The following PDE10A variants were observed in gnomAD, a reference collection of about 807,000 sequenced individuals.
The protein encoded by PDE10A is cAMP and cAMP-inhibited cGMP 3',5'-cyclic phosphodiesterase 10A.
Under a neutral mutation model 97.7 loss-of-function variants are expected in PDE10A, and 39 were observed. The observed-to-expected ratio is 0.40, with a 90% CI of 0.31 to 0.52. The LOEUF (loss-of-function observed/expected upper bound fraction) is 0.52. Ranked by LOEUF, PDE10A falls within the 20% of genes least tolerant of loss-of-function variation. PDE10A has a pLI of 0.56. For synonymous variants in PDE10A, 371 were observed against 376.8 expected (o/e 0.98, Z 0.18); for missense variants, 731 against 1,047.8 (o/e 0.70, Z 4.17).
intron 2 of PDE10A, among the ~76,000 whole-genome samples, chr6:165,526,083 A>T (rs1562548990): frequency 6.6e-6 from 1 of 152,186 alleles, no homozygotes; most frequent in East Asian, 1.9e-4. Flanking sequence ...CCAACAGTTT[A>T]TGCGGTGAAT....
chr6:165,883,721 G>A (rs1781552364), intron 1 of PDE10A, among the ~76,000 whole-genome samples: 2 of 152,040 alleles, frequency 1.3e-5, no homozygotes, highest in South Asian at 4.1e-4. Flanking sequence ...CCCCACTGAG[G>A]TGCTGTGAGC....
At chr6:165,846,058 C>T (rs1031357643) in intron 1 of PDE10A, among the ~76,000 whole-genome samples, 1 of 152,222 alleles carries the variant, frequency 6.6e-6, no homozygotes, top group Non-Finnish European at 1.5e-5. Flanking sequence ...TTACAGAATG[C>T]ATGACAGCCT....
At chr6:165,606,822 AG>A (rs1787234090) in intron 1 of PDE10A, among the ~76,000 whole-genome samples, 1 of 152,088 alleles carries the variant, frequency 6.6e-6, no homozygotes, top group Non-Finnish European at 1.5e-5. Flanking sequence ...CAGTGCGTGC[AG>A]GGGCTTAGGT....
chr6:165,588,903 A>T (rs1786085433), intron 1 of PDE10A, among the ~76,000 whole-genome samples: 1 of 152,306 alleles, frequency 6.6e-6, no homozygotes, highest in East Asian at 1.9e-4. Context: ...CATAGCCCTA[A>T]CACACAGGAA....
chr6:165,498,170 G>A (rs1780648533), intron 2 of PDE10A, among the ~76,000 whole-genome samples: 1 of 151,844 alleles, frequency 6.6e-6, no homozygotes, highest in Non-Finnish European at 1.5e-5. Context: ...CCAGCACTTT[G>A]GGAGCTAGGG....
At chr6:165,818,615 A>T (rs960846302) in intron 1 of PDE10A, among the ~76,000 whole-genome samples, 3 of 152,244 alleles carry the variant, frequency 2.0e-5, no homozygotes. Flanking sequence ...GGGAAATGGG[A>T]GAATGAACTT....
intron 1 of PDE10A, among the ~76,000 whole-genome samples, chr6:165,933,841 G>A (rs199963536): frequency 6.6e-6 from 1 of 152,190 alleles, no homozygotes; most frequent in Non-Finnish European, 1.5e-5. Context: ...AGTGTAGCCG[G>A]GAGCAGGTCA....
chr6:165,758,527 A>AGAAGAAGAAGAAGAG (rs1554317323), intron 1 of PDE10A, among the ~76,000 whole-genome samples: 25 of 140,534 alleles, frequency 1.8e-4, no homozygotes, highest in South Asian at 5.0e-4. Context: ...AAGAAGAAGA[A>AGAAGAAGAAGAAGAG]GAAGAGGAAG....
intron 1 of PDE10A, among the ~76,000 whole-genome samples, chr6:165,909,345 C>T (rs1376908489): frequency 1.3e-5 from 2 of 152,130 alleles, no homozygotes; most frequent in Non-Finnish European, 2.9e-5. Context: ...GCAATGGGAG[C>T]CACTTAGATA....
In PDE10A at chr6:165,722,197, CTG is replaced by C. The variant is rs1202824978; in HGVS notation, c.-614-178631_-614-178630del. On this transcript the variant is annotated intron_variant, in intron 1 of 19. Coordinates refer to the PDE10A transcript ENST00000366882. ...ATCTATGTGCAAAGCATGTCCAGTG[CTG>C]TGAGATAAACCAAATACGGTGCAGT... 2.0e-5 allele frequency among the ~76,000 whole-genome samples: 3 copies of C among 152,222 alleles called. No homozygotes were observed. In the East Asian group the frequency reaches 5.8e-4, roughly 29 times the overall value.
At chr6:165,849,908 C>G (rs564399692) in intron 1 of PDE10A, among the ~76,000 whole-genome samples, 25 of 152,306 alleles carry the variant, frequency 1.6e-4, no homozygotes, top group African/African-American at 6.0e-4. Context: ...AAGCAGCCCA[C>G]GTACTTTCTG....
At chr6:165,381,631 A>AT (rs547827126) in intron 17 of PDE10A, among the ~76,000 whole-genome samples, 1,710 of 118,622 alleles carry the variant, frequency 0.014, 13 homozygotes, top group Non-Finnish European at 0.019. Context: ...CACCTGGCTA[A>AT]TTTTTTTTTT....
intron 18 of PDE10A, 98 bp from the exon 19 acceptor site, chr6:165,343,600 G>A: frequency 2.4e-6 from 2 of 824,150 alleles, no homozygotes; most frequent in Non-Finnish European, 4.2e-6. Context: ...GTTTAAGTAT[G>A]TATTACTTCA....
intron 2 of PDE10A, among the ~76,000 whole-genome samples, chr6:165,531,860 T>C (rs569255045): frequency 5.3e-5 from 8 of 152,336 alleles, no homozygotes; most frequent in Non-Finnish European, 7.3e-5. Flanking sequence ...GGCTAATATA[T>C]GAAATGGGAA....
At chr6:165,961,672 G>A (rs1256879566) in intron 1 of PDE10A, among the ~76,000 whole-genome samples, 1 of 152,222 alleles carries the variant, frequency 6.6e-6, no homozygotes, top group Non-Finnish European at 1.5e-5. Context: ...CCAAACTTCT[G>A]CCTCTGACTT....
chr6:165,621,035 G>C (rs919109906), intron 1 of PDE10A, among the ~76,000 whole-genome samples: 1 of 142,770 alleles, frequency 7.0e-6, no homozygotes, highest in African/African-American at 2.6e-5. Context: ...AAAAAAAAAA[G>C]GAAGAAAGAA....
chr6:165,874,944 T>G (rs1781294866), intron 1 of PDE10A, among the ~76,000 whole-genome samples: 1 of 152,192 alleles, frequency 6.6e-6, no homozygotes, highest in African/African-American at 2.4e-5. Context: ...GACCCAGTTA[T>G]TCGTTCTAAG....
intron 1 of PDE10A, among the ~76,000 whole-genome samples, chr6:165,650,571 T>C (rs1789632271): frequency 6.6e-6 from 1 of 152,232 alleles, no homozygotes; most frequent in Non-Finnish European, 1.5e-5. Context: ...TTCTGGACAT[T>C]CGTTTACACT....
intron 1 of PDE10A, among the ~76,000 whole-genome samples, chr6:165,894,857 T>G (rs1562786930): frequency 6.6e-6 from 1 of 152,262 alleles, no homozygotes. Flanking sequence ...GAGGTCCTCA[T>G]TAGCCAGAGC....
Sources: gnomAD v4.1 joint callset for allele counts (sites outside exome capture counted in the v4.1 genomes callset) on GRCh38, gnomAD v4.1.1 for gene constraint, MANE v1.5 for transcripts, NCBI Gene and HGNC (gene_info 2026-07-23, HGNC 2026-07-21) for gene names.